Variants in KTN1 observed in about 807,000 individuals in gnomAD.
KTN1 encodes the protein kinectin.
A neutral mutation model predicts 222.5 loss-of-function variants in KTN1; 130 were observed. The ratio of observed to expected loss-of-function variants is 0.58; its 90% confidence interval spans 0.51 to 0.68. The LOEUF is 0.68. KTN1 is among the 30% of genes least tolerant of loss of function. The pLI is 0.00. For missense variants in KTN1, 1,508 were observed against 1,500.4 expected (o/e 1.01, Z -0.08); for synonymous variants, 512 against 496.3 (o/e 1.03, Z -0.42).
intron 2 of KTN1, among the ~76,000 whole-genome samples, chr14:55,614,011 CTCA>C (rs1165532679): frequency 5.9e-5 from 9 of 152,214 alleles, no homozygotes; most frequent in Admixed American, 2.6e-4. Flanking sequence ...ATAGTGGGGT[CTCA>C]TTACTCATTG....
Position 55,678,417 on chromosome 14 carries a change from T to A in KTN1, c.3921T>A (p.Ile1307=). 1.2e-6 allele frequency: 2 copies of A among 1,609,014 alleles called. No homozygotes were observed. The highest frequency in any genetic ancestry group is 1.7e-5 in the Admixed American group (1 of 60,010). Residue 1307 remains isoleucine (I), a synonymous_variant, in exon 42 of 44, where the codon ATT becomes ATA. Transcript: ENST00000395314. The part of the protein sequence containing the change: ...IVKAAGDTTV[I]ENSDVSPETE... ...AAGCTGCTGGAGACACTACTGTTATTGAAAATAGTGATGTTTCCCCAGAAA... is the reference window on the plus strand; with the variant it reads ...AAGCTGCTGGAGACACTACTGTTATAGAAAATAGTGATGTTTCCCCAGAAA...
chr14:55,603,499 T>G (rs773064989), intron 1 of KTN1, among the ~76,000 whole-genome samples: 2 of 152,214 alleles, frequency 1.3e-5, no homozygotes, highest in Admixed American at 6.5e-5. Flanking sequence ...TAATAGACTT[T>G]ATTCATCTGG....
chr14:55,661,251 T>C (rs532524660), intron 31 of KTN1: 55 of 259,836 alleles, frequency 2.1e-4, no homozygotes, highest in Non-Finnish European at 3.8e-4. Context: ...ACAGTTCATA[T>C]CTTCATAATA....
intron 9 of KTN1, among the ~76,000 whole-genome samples, chr14:55,634,995 G>C (rs781111777): frequency 1.8e-4 from 28 of 152,092 alleles, no homozygotes; most frequent in Non-Finnish European, 3.1e-4. Flanking sequence ...ACCTCCACGT[G>C]GTCTCTCCCT....
intron 2 of KTN1, among the ~76,000 whole-genome samples, chr14:55,614,546 G>C (rs2038068169): frequency 6.6e-6 from 1 of 152,060 alleles, no homozygotes; most frequent in Non-Finnish European, 1.5e-5. Context: ...CTTTTTTTAT[G>C]CCCATGAACC....
At chr14:55,683,351 A>G (rs537074115) in intron 43 of KTN1, 1 of 152,134 alleles carries the variant, frequency 6.6e-6, no homozygotes, top group Admixed American at 6.6e-5. Flanking sequence ...ATCTCTTTCT[A>G]TATGTCTACA....
intron 5 of KTN1, among the ~76,000 whole-genome samples, chr14:55,626,857 T>C (rs2039894748): frequency 2.7e-5 from 4 of 150,758 alleles, no homozygotes; most frequent in African/African-American, 9.7e-5. Context: ...TGTGGGATTT[T>C]ATCTGCAACT....
At chr14:55,617,416 AGGCTTCC>A (rs1234451949) in intron 3 of KTN1, among the ~76,000 whole-genome samples, 3 of 152,284 alleles carry the variant, frequency 2.0e-5, no homozygotes, top group East Asian at 3.9e-4. Context: ...CAAAATAAAG[AGGCTTCC>A]TTCTTCCACT....
At position 55,587,038 on chromosome 14, in the gene KTN1, T is replaced by C. The variant is rs562981803; in HGVS notation, c.-31+6684T>C. Among the ~76,000 whole-genome samples the C allele has an allele frequency of 5.3e-5, 8 of 152,320 alleles. No individual in the cohort carries two copies. The South Asian group carries it at 1.0e-3, about 20-fold the overall frequency. On this transcript the variant is annotated intron_variant, in intron 1 of 43. Coordinates refer to ENST00000395314, the MANE Select transcript of KTN1 (RefSeq NM_001079521.2). The stretch of plus-strand genomic sequence containing the variant: ...CATTATCAGTCACAACCTGATGTTA[T>C]AATACGCTTATTTCTTTCTTGGTAT...
At chr14:55,589,300 A>G (rs150373836) in intron 1 of KTN1, among the ~76,000 whole-genome samples, 116 of 152,242 alleles carry the variant, frequency 7.6e-4, no homozygotes, top group East Asian at 4.8e-3. Context: ...TTTTGGTATA[A>G]AGAGATTCTT....
chr14:55,644,260 C>A (rs1595058691), intron 18 of KTN1: 2 of 541,720 alleles, frequency 3.7e-6, no homozygotes, highest in South Asian at 5.5e-5. Context: ...CTTTCTATCC[C>A]ACAGTCAGAA....
intron 6 of KTN1, among the ~76,000 whole-genome samples, chr14:55,628,583 C>T (rs951791020): frequency 6.6e-6 from 1 of 152,124 alleles, no homozygotes; most frequent in African/African-American, 2.4e-5. Flanking sequence ...TCCTGAAGTG[C>T]TTGTTTCTCT....
chr14:55,679,735 C>G, intron 43 of KTN1, 50 bp downstream of exon 43: 1 of 1,562,700 alleles, frequency 6.4e-7, no homozygotes, highest in Non-Finnish European at 8.8e-7. Context: ...TGTTATGTGT[C>G]TGTGTAATGT....
chr14:55,678,238 CTG>C, intron 41 of KTN1, 112 bp from the exon 42 acceptor site: 1 of 641,316 alleles, frequency 1.6e-6, no homozygotes, highest in South Asian at 2.2e-5. Flanking sequence ...AGGGAAAAAC[CTG>C]TGTCGTCTTT....
chr14:55,631,821 C>T (rs1308072442), intron 7 of KTN1, among the ~76,000 whole-genome samples: 1 of 152,048 alleles, frequency 6.6e-6, no homozygotes, highest in Non-Finnish European at 1.5e-5. Context: ...GTTACTCTTG[C>T]ATTCAATTCT....
chr14:55,639,123 A>G (rs969408662), intron 12 of KTN1, 62 bp from the exon 13 acceptor site: 67 of 1,070,742 alleles, frequency 6.3e-5, no homozygotes, highest in Non-Finnish European at 9.1e-5. Flanking sequence ...TGTTATGATT[A>G]TTGTATAGCT....
At chr14:55,593,228 A>C (rs2034440659) in intron 1 of KTN1, among the ~76,000 whole-genome samples, 1 of 152,140 alleles carries the variant, frequency 6.6e-6, no homozygotes, top group Non-Finnish European at 1.5e-5. Flanking sequence ...AAATTTAAAA[A>C]TCTTTGTCAG....
intron 1 of KTN1, among the ~76,000 whole-genome samples, chr14:55,580,843 T>C (rs1566634363): frequency 1.3e-5 from 2 of 152,082 alleles, no homozygotes; most frequent in African/African-American, 4.8e-5. Context: ...GGGCCACACT[T>C]ACGCCATGCT....
At chr14:55,666,757 T>G (rs917019605) in intron 33 of KTN1, among the ~76,000 whole-genome samples, 3 of 151,958 alleles carry the variant, frequency 2.0e-5, no homozygotes, top group African/African-American at 7.2e-5. Flanking sequence ...TCACATGACC[T>G]TGAAGTTGGA....
Sources: allele counts gnomAD v4.1 joint callset (sites outside exome capture counted in the v4.1 genomes callset), GRCh38; gene constraint gnomAD v4.1.1; transcripts MANE v1.5; gene names NCBI Gene and HGNC (gene_info 2026-07-23, HGNC 2026-07-21).